DMXL2: variants seen among roughly 807,000 people sequenced by gnomAD.
DMXL2 encodes Dmx like 2, also known as dmX-like protein 2.
DMXL2 carries 103 observed loss-of-function variants against 331.1 expected under a neutral mutation model. The ratio of observed to expected loss-of-function variants is 0.31; its 90% CI spans 0.27 to 0.37. The LOEUF is 0.37. Ranked by LOEUF, DMXL2 falls within the 10% of genes least tolerant of loss-of-function variation. DMXL2 has a pLI of 1.00. For missense variants in DMXL2, 3,171 were observed against 3,642.9 expected, an observed-to-expected ratio of 0.87 and a Z score of 3.33; for synonymous variants, 1,281 against 1,252.1, an observed-to-expected ratio of 1.02 and a Z score of -0.49.
intron 13 of DMXL2, among the ~76,000 whole-genome samples, chr15:51,520,221 T>G (rs1298741738): frequency 1.3e-5 from 2 of 152,150 alleles, no homozygotes; most frequent in Non-Finnish European, 2.9e-5. Flanking sequence ...GTCTTACCCA[T>G]TCAGTAAGTC....
At chr15:51,556,354 A>AG (rs2049582727) in intron 6 of DMXL2, among the ~76,000 whole-genome samples, 1 of 106,510 alleles carries the variant, frequency 9.4e-6, no homozygotes, top group African/African-American at 3.9e-5. Context: ...AAAAAAAAAA[A>AG]GAAAAAAAAA....
At chr15:51,461,366 C>T (rs373947958) in intron 33 of DMXL2, among the ~76,000 whole-genome samples, 2 of 151,932 alleles carry the variant, frequency 1.3e-5, no homozygotes, top group East Asian at 3.9e-4. Context: ...GAAACCCAGA[C>T]ACCTGGCTTC....
chr15:51,503,276 T>A (rs1789862642), intron 16 of DMXL2, among the ~76,000 whole-genome samples: 1 of 152,178 alleles, frequency 6.6e-6, no homozygotes, highest in African/African-American at 2.4e-5. Flanking sequence ...CACTCCCACA[T>A]TTATTGTAGC....
intron 1 of DMXL2, among the ~76,000 whole-genome samples, chr15:51,617,764 C>G (rs2054374534): frequency 6.6e-6 from 1 of 152,146 alleles, no homozygotes; most frequent in South Asian, 2.1e-4. Flanking sequence ...GTGATTTCAC[C>G]AACACCATAC....
intron 13 of DMXL2, among the ~76,000 whole-genome samples, chr15:51,527,541 C>T (rs925012325): frequency 5.3e-5 from 8 of 152,062 alleles, no homozygotes; most frequent in Non-Finnish European, 1.0e-4. Context: ...ACAGCCTGGG[C>T]AACACGGTGA....
At chr15:51,542,295 T>C in intron 9 of DMXL2, 38 bp downstream of exon 9, 1 of 1,581,370 alleles carries the variant, frequency 6.3e-7, no homozygotes, top group South Asian at 1.1e-5. Flanking sequence ...TTTACCTGAC[T>C]TCAACATATT....
rs2050131160 is a variant in DMXL2 at position 51,564,120 on chromosome 15, C to T, written c.500+5G>A. ...ATGAATATAACAATAGAAATAGACA[C>T]TAACTTGCACTGCCAGACACACTTC... On this transcript the variant is annotated splice_donor_5th_base_variant and intron_variant, in intron 5 of 43. Transcript: ENST00000560891. The T allele has an allele frequency of 6.3e-7, 1 of 1,587,340 alleles. No homozygotes were observed. The highest frequency in any genetic ancestry group is 1.4e-5 in the African/African-American group (1 of 73,042).
chr15:51,612,997 G>C (rs535109297), intron 1 of DMXL2, among the ~76,000 whole-genome samples: 41 of 152,318 alleles, frequency 2.7e-4, no homozygotes, highest in African/African-American at 9.9e-4. Flanking sequence ...ATTTGCTTTT[G>C]AAAGTAGAGA....
At chr15:51,562,228 CAT>C (rs1238376613) in intron 6 of DMXL2, among the ~76,000 whole-genome samples, 3 of 152,040 alleles carry the variant, frequency 2.0e-5, no homozygotes, top group East Asian at 1.9e-4. Flanking sequence ...ACATGTATCC[CAT>C]ATATATATCA....
In DMXL2 at chr15:51,499,189, T is replaced by A; in HGVS notation, c.4035A>T (p.Pro1345=). 1 of 1,614,088 alleles carries A rather than the reference T, an allele frequency of 6.2e-7. No homozygotes were observed. The highest frequency in any genetic ancestry group is 1.1e-5 in the South Asian group (1 of 91,078). ...EAAHVLSPTL[P]QYHPTQLLEL... ...CTAACAGCTGAGTTGGATGATATTG[T>A]GGAAGAGTAGGGGAAAGTACATGTG... Residue 1345 remains proline, a synonymous_variant, in exon 18 of 44, where the codon CCA becomes CCT. Transcript: ENST00000560891.
chr15:51,574,359 A>G (rs2050873439), intron 2 of DMXL2, among the ~76,000 whole-genome samples: 1 of 152,224 alleles, frequency 6.6e-6, no homozygotes, highest in Non-Finnish European at 1.5e-5. Context: ...GAATAGACCA[A>G]AAACCGTCCT....
At chr15:51,507,292 T>G in intron 15 of DMXL2, 39 bp from the exon 16 acceptor site, 1 of 1,560,246 alleles carries the variant, frequency 6.4e-7, no homozygotes, top group Non-Finnish European at 8.6e-7. Context: ...ATTAGTATGT[T>G]TTTATGGGGT....
chr15:51,545,043 A>C (rs2048815195), intron 8 of DMXL2, among the ~76,000 whole-genome samples: 1 of 152,054 alleles, frequency 6.6e-6, no homozygotes, highest in Non-Finnish European at 1.5e-5. Context: ...TTTATTTCAT[A>C]CTGTATTTAA....
At chr15:51,470,293 A>T in intron 29 of DMXL2, among the ~76,000 whole-genome samples, 1 of 152,008 alleles carries the variant, frequency 6.6e-6, no homozygotes, top group African/African-American at 2.4e-5. Context: ...ACAGCACTGC[A>T]CCTACGTTTT....
chr15:51,501,730 C>T (rs2043622976), intron 17 of DMXL2, among the ~76,000 whole-genome samples: 2 of 151,174 alleles, frequency 1.3e-5, no homozygotes, highest in South Asian at 4.2e-4. Flanking sequence ...ACCATCCTGA[C>T]TAACACAGTG....
chr15:51,510,781 G>A (rs2046709123), intron 15 of DMXL2, among the ~76,000 whole-genome samples: 2 of 152,128 alleles, frequency 1.3e-5, no homozygotes, highest in Non-Finnish European at 2.9e-5. Context: ...CACGCTACCT[G>A]ACTTCAAACT....
intron 20 of DMXL2, among the ~76,000 whole-genome samples, chr15:51,490,577 C>A (rs1467681938): frequency 1.3e-5 from 2 of 152,188 alleles, no homozygotes; most frequent in Admixed American, 1.3e-4. Context: ...TTATAAATGA[C>A]TGGAGTTTGG....
intron 1 of DMXL2, among the ~76,000 whole-genome samples, chr15:51,622,100 G>A (rs945955138): frequency 2.0e-5 from 3 of 152,116 alleles, no homozygotes; most frequent in African/African-American, 4.8e-5. Flanking sequence ...CACGCCGAGA[G>A]CAGCTGCGAA....
intron 6 of DMXL2, among the ~76,000 whole-genome samples, chr15:51,561,329 G>A (rs751075587): frequency 1.3e-5 from 2 of 152,198 alleles, no homozygotes; most frequent in South Asian, 4.1e-4. Context: ...GTGAGTGCAG[G>A]AGAGTAGTCT....
Sources: allele counts gnomAD v4.1 joint callset (sites outside exome capture counted in the v4.1 genomes callset), GRCh38; gene constraint gnomAD v4.1.1; transcripts MANE v1.5; gene names NCBI Gene and HGNC (gene_info 2026-07-23, HGNC 2026-07-21).